The following UNC79 variants were observed in gnomAD, a reference collection of about 807,000 sequenced individuals.
The protein encoded by UNC79 is unc-79 subunit of NALCN channel complex.
In UNC79, 37 loss-of-function variants were observed where a neutral mutation model predicts 283.1. That is an observed-to-expected ratio of 0.13 (90% CI 0.10 to 0.17). UNC79 has a LOEUF of 0.17. Ranked by LOEUF, UNC79 falls within the 10% of genes least tolerant of loss-of-function variation. The pLI is 1.00. For synonymous variants in UNC79, 1,107 were observed against 1,200.2 expected, an observed-to-expected ratio of 0.92 and a Z score of 1.61; for missense variants, 2,272 against 3,211.1, an observed-to-expected ratio of 0.71 and a Z score of 7.07.
intron 14 of UNC79, among the ~76,000 whole-genome samples, chr14:93,551,649 G>T (rs2061905177): frequency 6.6e-6 from 1 of 152,192 alleles, no homozygotes; most frequent in South Asian, 2.1e-4. Context: ...AAGCACAGAA[G>T]AACAATACAG....
intron 39 of UNC79, among the ~76,000 whole-genome samples, chr14:93,661,654 G>A (rs1043819661): frequency 6.6e-6 from 1 of 152,180 alleles, no homozygotes; most frequent in Non-Finnish European, 1.5e-5. Flanking sequence ...GAGCAGGAAT[G>A]GATACTAAAG....
intron 14 of UNC79, among the ~76,000 whole-genome samples, chr14:93,568,294 C>CG (rs2063015132): frequency 6.6e-6 from 1 of 152,174 alleles, no homozygotes; most frequent in African/African-American, 2.4e-5. Flanking sequence ...CTGAGCCAAG[C>CG]TCCATCCTTA....
intron 1 of UNC79, among the ~76,000 whole-genome samples, chr14:93,356,416 A>T (rs932912468): frequency 1.3e-5 from 2 of 152,104 alleles, no homozygotes; most frequent in African/African-American, 4.8e-5. Flanking sequence ...TCCTCTCCCA[A>T]CACAGATCCC....
intron 7 of UNC79, among the ~76,000 whole-genome samples, chr14:93,517,370 G>C (rs547027182): frequency 8.3e-6 from 1 of 121,146 alleles, no homozygotes; most frequent in African/African-American, 3.1e-5. Flanking sequence ...CACTTGAATA[G>C]AAGTACTGAG....
intron 42 of UNC79, among the ~76,000 whole-genome samples, chr14:93,683,856 A>AC (rs998800395): frequency 7.9e-5 from 12 of 151,612 alleles, no homozygotes; most frequent in Non-Finnish European, 1.6e-4. Flanking sequence ...AAAAAAAAAA[A>AC]AACACACACT....
At chr14:93,584,086 A>G (rs1177589993) in intron 20 of UNC79, among the ~76,000 whole-genome samples, 1 of 152,142 alleles carries the variant, frequency 6.6e-6, no homozygotes, top group Non-Finnish European at 1.5e-5. Flanking sequence ...GGATTACAGC[A>G]TGAGCCACCA....
At chr14:93,490,708 G>A (rs2058681984) in intron 5 of UNC79, among the ~76,000 whole-genome samples, 1 of 152,126 alleles carries the variant, frequency 6.6e-6, no homozygotes, top group Non-Finnish European at 1.5e-5. Flanking sequence ...GATCATTTAG[G>A]TATTCTCAAA....
At chr14:93,446,501 T>G (rs1334186704) in intron 1 of UNC79, among the ~76,000 whole-genome samples, 2 of 151,782 alleles carry the variant, frequency 1.3e-5, no homozygotes, top group African/African-American at 4.8e-5. Context: ...GTTTAAGCGA[T>G]TCTCTTGCCT....
chr14:93,456,467 C>T lies in UNC79; in HGVS notation c.23-11204C>T, dbSNP rs183911449. On this transcript the variant is annotated intron_variant, in intron 1 of 48. Transcript: ENST00000555664. ...GTGTCTGCCAGTGGGGTAGCTTGGA[C>T]ACCTTCTACCCTCAGGGCCTCTTCT... is the stretch of plus-strand genomic sequence containing the variant. 2.8e-4 allele frequency among the ~76,000 whole-genome samples: 42 copies of T among 152,122 alleles called. 1 individual carries two copies. Among genetic ancestry groups the T allele is most frequent in the African/African-American group, 9.9e-4 (41 of 41,502 alleles).
intron 1 of UNC79, among the ~76,000 whole-genome samples, chr14:93,357,820 T>C (rs201321742): frequency 3.2e-3 from 225 of 70,066 alleles, no homozygotes; most frequent in Middle Eastern, 0.019. Context: ...TATATATATA[T>C]GGATATATGG....
In UNC79 at chr14:93,690,509, G is replaced by A. The variant is rs533303773; in HGVS notation, c.7272+206G>A. On this transcript the variant is annotated intron_variant, in intron 45 of 48. Coordinates refer to ENST00000555664, the Ensembl canonical transcript of UNC79. The surrounding 1 kb of genome is among the most constrained non-coding windows in gnomAD (Gnocchi z 4.3). ...TCCCCCCGCCCCCAAATTGTTTTTC[G>A]GCTTACTTTTATAAAGATAAATCAT... The A allele has an allele frequency of 1.9e-5, 10 of 521,332 alleles. No homozygotes were observed. Among genetic ancestry groups the A allele is most frequent in the African/African-American group, 4.0e-5 (2 of 50,470 alleles). The allele number at this position is 521,332 out of a possible 1,614,324, so 32.3% of individuals were successfully genotyped here.
chr14:93,659,511 A>G (rs2071313252), intron 39 of UNC79, among the ~76,000 whole-genome samples: 1 of 151,952 alleles, frequency 6.6e-6, no homozygotes, highest in South Asian at 2.1e-4. Context: ...CCATACTACT[A>G]ACTAGGCGAT....
At chr14:93,478,562 T>G (rs755262830) in intron 4 of UNC79, among the ~76,000 whole-genome samples, 24 of 152,152 alleles carry the variant, frequency 1.6e-4, no homozygotes, top group Admixed American at 3.3e-4. Flanking sequence ...TATATGACTT[T>G]AGGCAAATTA....
At chr14:93,346,591 G>A (rs538381790) in intron 1 of UNC79, among the ~76,000 whole-genome samples, 12 of 152,304 alleles carry the variant, frequency 7.9e-5, no homozygotes, top group East Asian at 3.9e-4. Flanking sequence ...ATCATCAGCC[G>A]ACTATAGAAA....
chr14:93,610,680 A>G (rs2066238555), intron 26 of UNC79, among the ~76,000 whole-genome samples: 1 of 151,198 alleles, frequency 6.6e-6, no homozygotes, highest in African/African-American at 2.4e-5. Flanking sequence ...GCATGATCAC[A>G]GCTCACTGCA....
At chr14:93,413,799 G>T (rs1461179540) in intron 1 of UNC79, among the ~76,000 whole-genome samples, 1 of 129,510 alleles carries the variant, frequency 7.7e-6, no homozygotes, top group African/African-American at 3.0e-5. Context: ...ATTTTTTCAT[G>T]TGTTTTTTGG....
chr14:93,466,739 A>G (rs1397278113), intron 1 of UNC79: 4 of 524,112 alleles, frequency 7.6e-6, no homozygotes, highest in Non-Finnish European at 7.3e-6. Context: ...GATTGAAAGG[A>G]CAAATGGACA....
At chr14:93,386,522 A>C (rs1258729505) in intron 1 of UNC79, among the ~76,000 whole-genome samples, 2 of 152,112 alleles carry the variant, frequency 1.3e-5, no homozygotes, top group Admixed American at 1.3e-4. Flanking sequence ...CTATTTTTCC[A>C]CATAGTTTGA....
chr14:93,547,584 G>A (rs1473692300), intron 14 of UNC79, among the ~76,000 whole-genome samples: 2 of 152,144 alleles, frequency 1.3e-5, no homozygotes, highest in Non-Finnish European at 2.9e-5. Flanking sequence ...GATTTCAAAA[G>A]TAAATATAGG....
Sources: allele counts gnomAD v4.1 joint callset (sites outside exome capture counted in the v4.1 genomes callset), GRCh38; gene constraint gnomAD v4.1.1; non-coding constraint Gnocchi (gnomAD v3.1); transcripts MANE v1.5; gene names NCBI Gene and HGNC (gene_info 2026-07-23, HGNC 2026-07-21).